The following RERG variants were observed in gnomAD, a reference collection of about 807,000 sequenced individuals.
RERG encodes the protein RAS like estrogen regulated growth inhibitor.
In RERG, 25 loss-of-function variants were observed where a neutral mutation model predicts 23.2. The observed-to-expected ratio is 1.08, with a 90% CI of 0.79 to 1.50. The LOEUF is 1.50. RERG is among the 40% of genes most tolerant of loss of function. The probability of loss-of-function intolerance (pLI) is 0.00; values close to 1 mark genes in which losing one functional copy is unlikely to be tolerated. For missense variants in RERG, 253 were observed against 250.1 expected (o/e 1.01, Z -0.08); for synonymous variants, 81 against 89.1 (o/e 0.91, Z 0.51).
rs185029834 is a variant in RERG, at chr12:15,179,936, G to A, written c.61+37493C>T. Among the ~76,000 whole-genome samples the A allele has an allele frequency of 5.9e-5, 9 of 152,238 alleles. No individual in the cohort carries two copies. The East Asian group carries it at 1.7e-3, about 29-fold the overall frequency. ...ACAAGCTGGGTCCCACATCATCTGG[G>A]TCAGGGGCCAGGCCAAAGTTGTAAT... On this transcript the variant is annotated intron_variant, in intron 2 of 4. Coordinates refer to ENST00000256953, the MANE Select transcript of RERG (RefSeq NM_032918.3).
chr12:15,137,661 A>C (rs1365866584), intron 2 of RERG, among the ~76,000 whole-genome samples: 3 of 151,998 alleles, frequency 2.0e-5, no homozygotes, highest in Non-Finnish European at 4.4e-5. Context: ...GTAATACCTT[A>C]TAATAATAAA....
intron 3 of RERG, among the ~76,000 whole-genome samples, chr12:15,116,621 A>AT (rs978665819): frequency 1.9e-3 from 287 of 150,750 alleles, no homozygotes; most frequent in African/African-American, 5.8e-3. Flanking sequence ...CATTTTAAGC[A>AT]TTTTTTTTTC....
chr12:15,197,146 C>T (rs1267775714), intron 2 of RERG, among the ~76,000 whole-genome samples: 1 of 152,128 alleles, frequency 6.6e-6, no homozygotes, highest in Non-Finnish European at 1.5e-5. Flanking sequence ...GTCAGACAAA[C>T]ACACAAAAAT....
At chr12:15,161,215 A>AAAGAAAGAAAGG (rs1294627579) in intron 2 of RERG, among the ~76,000 whole-genome samples, 2 of 129,912 alleles carry the variant, frequency 1.5e-5, no homozygotes, top group African/African-American at 5.3e-5. Context: ...AGAAAGAAAG[A>AAAGAAAGAAAGG]AAGAAAGAAA....
At chr12:15,214,021 TGTGTGTGTGTGTGTGTGCGC>T (rs1288367173) in intron 2 of RERG, among the ~76,000 whole-genome samples, 33 of 132,470 alleles carry the variant, frequency 2.5e-4, no homozygotes, top group Admixed American at 7.9e-4. Flanking sequence ...TGTGTGTGTG[TGTGTGTGTGTGTGTGTGCGC>T]GTGTGTGGAG....
chr12:15,212,364 T>G (rs925058477), intron 2 of RERG, among the ~76,000 whole-genome samples: 5 of 151,816 alleles, frequency 3.3e-5, no homozygotes, highest in Non-Finnish European at 7.4e-5. Context: ...CGGCCACGAA[T>G]AAACTTTTTA....
At chr12:15,123,705 T>C (rs1863883504) in intron 2 of RERG, among the ~76,000 whole-genome samples, 1 of 151,408 alleles carries the variant, frequency 6.6e-6, no homozygotes, top group Non-Finnish European at 1.5e-5. Context: ...TGAAAATGGG[T>C]ACTATAAAGA....
intron 2 of RERG, among the ~76,000 whole-genome samples, chr12:15,151,067 G>A (rs1031875245): frequency 1.3e-5 from 2 of 152,188 alleles, no homozygotes; most frequent in African/African-American, 4.8e-5. Flanking sequence ...ACTACAGCCT[G>A]TTTCTAAAAT....
At position 15,148,887 on chromosome 12, in the gene RERG, T is replaced by TTTTTTTTTTTTTTG. The variant is rs1156302513; in HGVS notation, c.62-27769_62-27768insCAAAAAAAAAAAAA. ...TTTTTTTTTTTTTTTTTTTTTTTTTTAGACAGAGTCTAGCTCTGTCACCCA... is the reference window on the plus strand; with the variant it reads ...TTTTTTTTTTTTTTTTTTTTTTTTTTTTTTTTTTTTTTTGAGACAGAGTCTAGCTCTGTCACCCA... On this transcript the variant is annotated intron_variant, in intron 2 of 4. Transcript: ENST00000256953. Among the ~76,000 whole-genome samples, 21 of 69,474 alleles carry TTTTTTTTTTTTTTG rather than the reference T, an allele frequency of 3.0e-4. 7 individuals carry two copies. The highest frequency in any genetic ancestry group is 5.5e-4 in the Non-Finnish European group (18 of 32,656). 45.6% of individuals were successfully genotyped at this position (69,474 alleles called of 152,430 possible). A position where few individuals can be genotyped will look rare whatever the true frequency, so the allele number is the denominator to read the frequency against.
At chr12:15,214,409 T>C (rs1284566209) in intron 2 of RERG, among the ~76,000 whole-genome samples, 1 of 152,202 alleles carries the variant, frequency 6.6e-6, no homozygotes, top group Non-Finnish European at 1.5e-5. Context: ...TGGTCTTATT[T>C]ACCCCCAATT....
At chr12:15,171,624 CTCT>C (rs1267626315) in intron 2 of RERG, among the ~76,000 whole-genome samples, 3 of 152,144 alleles carry the variant, frequency 2.0e-5, no homozygotes, top group Admixed American at 1.3e-4. Context: ...AAACAATTTT[CTCT>C]TCTTATTTTT....
intron 1 of RERG, chr12:15,218,122 C>A (rs1328385451): frequency 1.3e-5 from 2 of 152,252 alleles, no homozygotes; most frequent in African/African-American, 4.8e-5. Context: ...ATGATGAATT[C>A]CTGTGACAGA....
intron 2 of RERG, among the ~76,000 whole-genome samples, chr12:15,216,567 A>G (rs1865443223): frequency 6.6e-6 from 1 of 152,190 alleles, no homozygotes; most frequent in Non-Finnish European, 1.5e-5. Context: ...ACATGCACCT[A>G]CCAGATATCT....
chr12:15,123,823 A>T (rs1410417972), intron 2 of RERG, among the ~76,000 whole-genome samples: 1 of 152,004 alleles, frequency 6.6e-6, no homozygotes, highest in Non-Finnish European at 1.5e-5. Context: ...TTGTTGCTCC[A>T]GAAGTTTTAA....
intron 2 of RERG, among the ~76,000 whole-genome samples, chr12:15,138,339 C>T (rs896206541): frequency 2.6e-5 from 4 of 151,970 alleles, no homozygotes; most frequent in East Asian, 1.9e-4. Context: ...CACAGTTGTA[C>T]CACAGTTCTT....
chr12:15,110,219 TC>T (rs1322429064), intron 4 of RERG, among the ~76,000 whole-genome samples: 1 of 152,118 alleles, frequency 6.6e-6, no homozygotes, highest in Admixed American at 6.6e-5. Flanking sequence ...AACATTGCTT[TC>T]CCGGGTTCAA....
chr12:15,190,554 T>A (rs1029056662), intron 2 of RERG, among the ~76,000 whole-genome samples: 2 of 152,148 alleles, frequency 1.3e-5, no homozygotes, highest in Non-Finnish European at 2.9e-5. Context: ...CCTTGATTTG[T>A]AGGTCAACCC....
At chr12:15,173,610 A>G (rs1864806014) in intron 2 of RERG, among the ~76,000 whole-genome samples, 1 of 152,046 alleles carries the variant, frequency 6.6e-6, no homozygotes, top group African/African-American at 2.4e-5. Context: ...CAATTCATAA[A>G]TAAATATGGG....
chr12:15,180,836 C>T (rs1204330990), intron 2 of RERG, among the ~76,000 whole-genome samples: 1 of 152,126 alleles, frequency 6.6e-6, no homozygotes, highest in Non-Finnish European at 1.5e-5. Flanking sequence ...AGAATTTTTC[C>T]AATACTCTTG....
Sources: gnomAD v4.1 joint callset for allele counts (sites outside exome capture counted in the v4.1 genomes callset) on GRCh38, gnomAD v4.1.1 for gene constraint, MANE v1.5 for transcripts, NCBI Gene and HGNC (gene_info 2026-07-23, HGNC 2026-07-21) for gene names.